The following SLC45A2 variants were observed in gnomAD, a reference collection of about 807,000 sequenced individuals.
SLC45A2 encodes the protein solute carrier family 45 member 2, also known as membrane-associated transporter protein.
Under a neutral mutation model 45.5 loss-of-function variants are expected in SLC45A2, and 36 were observed. The observed-to-expected ratio is 0.79, with a 90% CI of 0.61 to 1.04. The LOEUF is 1.04. Among genes scored for constraint, SLC45A2 ranks in the 50% least tolerant of loss-of-function variants. The probability of loss-of-function intolerance (pLI) is 0.00; values close to 1 mark genes in which losing one functional copy is unlikely to be tolerated. For missense variants in SLC45A2, 719 were observed against 671.0 expected (o/e 1.07, Z -0.79); for synonymous variants, 306 against 269.3 (o/e 1.14, Z -1.33).
In SLC45A2 at chr5:33,951,397, T is replaced by C. The variant is rs1264511843; in HGVS notation, c.1156+157A>G. 17 of 1,560,604 alleles carry C rather than the reference T, an allele frequency of 1.1e-5. No individual in the cohort carries two copies. In the East Asian group the frequency reaches 3.4e-4, roughly 31 times the overall value. ...TTCATGATGAAAAAAGGATGCTTTATATGGTCCTTTTTAAGGTGATAGTTT... is the reference window on the plus strand; with the variant it reads ...TTCATGATGAAAAAAGGATGCTTTACATGGTCCTTTTTAAGGTGATAGTTT... On this transcript the variant is annotated intron_variant, in intron 5 of 6. Transcript: ENST00000296589.
rs371184116 is a variant in SLC45A2 at position 33,946,627 on chromosome 5, G to C, written c.1368+536C>G. ...CAGCAAAGTGGGGATTACCACCCAT[G>C]ATTCCAGCTTTCCTTCTCACACATG... On this transcript the variant is annotated intron_variant, in intron 6 of 6. Transcript: ENST00000296589. The C allele has an allele frequency of 1.7e-5, 17 of 1,008,434 alleles. No homozygotes were observed. The East Asian group carries it at 4.9e-4, about 29-fold the overall frequency. 62.5% of individuals were successfully genotyped at this position (1,008,434 alleles called of 1,614,324 possible).
At chr5:33,947,448 C>T in intron 5 of SLC45A2, 74 bp from the exon 6 acceptor site, 1 of 1,350,990 alleles carries the variant, frequency 7.4e-7, no homozygotes, top group Non-Finnish European at 1.1e-6. Flanking sequence ...ACAATCCTTT[C>T]TTCTGAAGAT....
At chr5:33,972,384 CA>C (rs1752810555) in intron 2 of SLC45A2, 1 of 371,896 alleles carries the variant, frequency 2.7e-6, no homozygotes. Flanking sequence ...AATGAACGAG[CA>C]AGATTAGACA....
At chr5:33,982,891 A>T (rs1311699726) in intron 1 of SLC45A2, among the ~76,000 whole-genome samples, 1 of 152,248 alleles carries the variant, frequency 6.6e-6, no homozygotes, top group Non-Finnish European at 1.5e-5. Flanking sequence ...TCCCAGCCCC[A>T]GCAAAGGTCA....
intron 3 of SLC45A2, 165 bp downstream of exon 3, chr5:33,963,525 TA>T: frequency 2.7e-6 from 2 of 740,612 alleles, no homozygotes; most frequent in Non-Finnish European, 4.4e-6. Context: ...CTTTGAGATA[TA>T]AAATTTTAAT....
intron 2 of SLC45A2, among the ~76,000 whole-genome samples, chr5:33,978,514 TC>T (rs1752992854): frequency 6.6e-6 from 1 of 152,134 alleles, no homozygotes; most frequent in Non-Finnish European, 1.5e-5. Context: ...GGAGGCCTCA[TC>T]TACATAACAA....
chr5:33,961,286 G>A (rs1325699136), intron 3 of SLC45A2, among the ~76,000 whole-genome samples: 1 of 152,112 alleles, frequency 6.6e-6, no homozygotes, highest in Non-Finnish European at 1.5e-5. Context: ...GGAGTCCTTT[G>A]CCCCACTAGT....
intron 2 of SLC45A2, among the ~76,000 whole-genome samples, chr5:33,978,447 C>G (rs377640506): frequency 6.6e-6 from 1 of 151,934 alleles, no homozygotes; most frequent in Non-Finnish European, 1.5e-5. Context: ...GAGCCTGACA[C>G]CTTCTAAGAC....
At chr5:33,976,995 T>C (rs1752947451) in intron 2 of SLC45A2, among the ~76,000 whole-genome samples, 1 of 152,224 alleles carries the variant, frequency 6.6e-6, no homozygotes, top group Admixed American at 6.5e-5. Flanking sequence ...TCAATGGGAC[T>C]GTATTTGTCG....
chr5:33,983,764 A>C (rs550701951), intron 1 of SLC45A2, among the ~76,000 whole-genome samples: 196 of 152,336 alleles, frequency 1.3e-3, no homozygotes, highest in African/African-American at 4.6e-3. Context: ...CTCTACATAA[A>C]ACTATGAACA....
At chr5:33,983,679 G>T (rs1355890825) in intron 1 of SLC45A2, among the ~76,000 whole-genome samples, 5 of 152,172 alleles carry the variant, frequency 3.3e-5, no homozygotes, top group Admixed American at 3.3e-4. Context: ...CCTCAGGTTT[G>T]CTTTTGTCCA....
At chr5:33,979,158 G>C (rs1301031313) in intron 2 of SLC45A2, among the ~76,000 whole-genome samples, 1 of 152,202 alleles carries the variant, frequency 6.6e-6, no homozygotes, top group East Asian at 1.9e-4. Flanking sequence ...TAGGGCTACA[G>C]CTTGGTTTTA....
chr5:33,957,643 A>G (rs1752315038), intron 3 of SLC45A2, among the ~76,000 whole-genome samples: 1 of 152,206 alleles, frequency 6.6e-6, no homozygotes. Flanking sequence ...TTCCTCAACC[A>G]CAGAAAGAAG....
Position 33,954,261 on chromosome 5 carries a change from T to C in SLC45A2, c.1032+100A>G. ...TTGATGGTACCCTTTCCTACATTCTTACTGTGCCAATCTTAGAGGATAGCC... is the reference window on the plus strand; with the variant it reads ...TTGATGGTACCCTTTCCTACATTCTCACTGTGCCAATCTTAGAGGATAGCC... On this transcript the variant is annotated intron_variant, in intron 4 of 6. Transcript: ENST00000296589. 7.8e-6 allele frequency: 12 copies of C among 1,533,180 alleles called. No individual in the cohort carries two copies. The South Asian group carries it at 1.4e-4, about 18-fold the overall frequency. The allele number at this position is 1,533,180 out of a possible 1,614,324, so 95.0% of individuals were successfully genotyped here. A position where few individuals can be genotyped will look rare whatever the true frequency, so the allele number is the denominator to read the frequency against.
chr5:33,963,095 A>G lies in SLC45A2; in HGVS notation c.888+596T>C, dbSNP rs560400307. The stretch of plus-strand genomic sequence containing the variant: ...GAAGTTCTAATTTTATTTTTATTTT[A>G]ATTTAAATAGCCCCACGGGATTATT... On this transcript the variant is annotated intron_variant, in intron 3 of 6. Transcript: ENST00000296589. Among the ~76,000 whole-genome samples the G allele has an allele frequency of 8.5e-5, 13 of 152,302 alleles. No homozygotes were observed. In the East Asian group the frequency reaches 2.1e-3, roughly 25 times the overall value.
chr5:33,955,865 T>C (rs1179941519), intron 3 of SLC45A2, among the ~76,000 whole-genome samples: 3 of 152,140 alleles, frequency 2.0e-5, no homozygotes, highest in Non-Finnish European at 4.4e-5. Context: ...TGAATTCTAC[T>C]AAAATTGAAG....
At chr5:33,949,492 A>C (rs1752035200) in intron 5 of SLC45A2, among the ~76,000 whole-genome samples, 1 of 152,222 alleles carries the variant, frequency 6.6e-6, no homozygotes, top group African/African-American at 2.4e-5. Flanking sequence ...AAGTCTGCAT[A>C]GTGGGTCATT....
intron 4 of SLC45A2, 116 bp downstream of exon 4, chr5:33,954,245 C>T: frequency 4.9e-6 from 7 of 1,437,892 alleles, no homozygotes; most frequent in South Asian, 3.6e-5. Flanking sequence ...CTTGATGGTA[C>T]CCTTTCCTAC....
chr5:33,965,260 C>T (rs1752574589), intron 2 of SLC45A2, among the ~76,000 whole-genome samples: 1 of 152,118 alleles, frequency 6.6e-6, no homozygotes, highest in African/African-American at 2.4e-5. Flanking sequence ...CCTCTCTAAC[C>T]CTAAACATCT....
Sources: allele counts gnomAD v4.1 joint callset (sites outside exome capture counted in the v4.1 genomes callset), GRCh38; gene constraint gnomAD v4.1.1; transcripts MANE v1.5; gene names NCBI Gene and HGNC (gene_info 2026-07-23, HGNC 2026-07-21).